The following PXDNL variants were observed in gnomAD, a reference collection of about 807,000 sequenced individuals.
PXDNL encodes the protein probable oxidoreductase PXDNL.
PXDNL carries 145 observed loss-of-function variants against 150.8 expected under a neutral mutation model. The observed-to-expected ratio is 0.96, with a 90% CI of 0.84 to 1.10. The LOEUF (loss-of-function observed/expected upper bound fraction) is 1.10, where lower values mean the gene tolerates loss of function less well. Among genes scored for constraint, PXDNL ranks in the 50% least tolerant of loss-of-function variants. The pLI is 0.00. For synonymous variants in PXDNL, 757 were observed against 725.7 expected, an observed-to-expected ratio of 1.04 and a Z score of -0.69; for missense variants, 2,087 against 1,873.9, an observed-to-expected ratio of 1.11 and a Z score of -2.10.
intron 1 of PXDNL, among the ~76,000 whole-genome samples, chr8:51,663,367 T>C (rs1815314808): frequency 6.6e-6 from 1 of 152,164 alleles, no homozygotes; most frequent in Non-Finnish European, 1.5e-5. Context: ...TCCCCCTCAT[T>C]ATCCTAAACC....
At chr8:51,600,999 T>TA (rs1430606479) in intron 2 of PXDNL, among the ~76,000 whole-genome samples, 1 of 146,312 alleles carries the variant, frequency 6.8e-6, no homozygotes, top group Non-Finnish European at 1.5e-5. Flanking sequence ...TTATATAAAT[T>TA]ATATAGTTTA....
At chr8:51,543,710 C>CAAAAAAAAAAAAAAAA (rs572642373) in intron 4 of PXDNL, among the ~76,000 whole-genome samples, 5 of 60,364 alleles carry the variant, frequency 8.3e-5, no homozygotes, top group Admixed American at 2.1e-4. Flanking sequence ...GACTCCATAT[C>CAAAAAAAAAAAAAAAA]AAAAAAAAAA....
chr8:51,368,997 A>T (rs1013028845), intron 19 of PXDNL, among the ~76,000 whole-genome samples: 1 of 152,068 alleles, frequency 6.6e-6, no homozygotes, highest in African/African-American at 2.4e-5. Flanking sequence ...CTCTGTTTCA[A>T]AAAAAATAAA....
intron 4 of PXDNL, among the ~76,000 whole-genome samples, chr8:51,524,147 C>G (rs1811718263): frequency 2.4e-4 from 1 of 4,214 alleles, no homozygotes; most frequent in Non-Finnish European, 8.1e-4. Flanking sequence ...TGGAGTCATA[C>G]CTGATATATG....
intron 17 of PXDNL, among the ~76,000 whole-genome samples, chr8:51,375,682 C>T (rs1001774527): frequency 6.6e-6 from 1 of 152,160 alleles, no homozygotes; most frequent in Non-Finnish European, 1.5e-5. Context: ...TTTAGTTACA[C>T]TGGTGATGAA....
At chr8:51,567,153 T>G (rs1812845664) in intron 3 of PXDNL, among the ~76,000 whole-genome samples, 1 of 151,842 alleles carries the variant, frequency 6.6e-6, no homozygotes, top group African/African-American at 2.4e-5. Context: ...TTTGTATGCT[T>G]TCTATTTTTT....
chr8:51,556,488 T>C (rs747741436), intron 4 of PXDNL, among the ~76,000 whole-genome samples: 1 of 152,156 alleles, frequency 6.6e-6, no homozygotes, highest in Non-Finnish European at 1.5e-5. Flanking sequence ...GTAATAAACA[T>C]TTTTGCTTAA....
At chr8:51,768,024 C>T (rs1356033711) in intron 1 of PXDNL, among the ~76,000 whole-genome samples, 1 of 152,202 alleles carries the variant, frequency 6.6e-6, no homozygotes, top group Non-Finnish European at 1.5e-5. Context: ...TTTCTAGGCT[C>T]CTGATTTTCA....
chr8:51,477,217 C>T (rs1264682868), intron 6 of PXDNL, among the ~76,000 whole-genome samples: 4 of 152,088 alleles, frequency 2.6e-5, no homozygotes, highest in African/African-American at 9.7e-5. Context: ...ATAACTGTAT[C>T]TAAATTTTAT....
At chr8:51,504,974 A>G (rs1811255144) in intron 4 of PXDNL, among the ~76,000 whole-genome samples, 1 of 152,224 alleles carries the variant, frequency 6.6e-6, no homozygotes, top group Admixed American at 6.5e-5. Flanking sequence ...CACAAGTCTG[A>G]CTTTAGTAAG....
chr8:51,530,325 T>C (rs1180539484), intron 4 of PXDNL, among the ~76,000 whole-genome samples: 2 of 152,174 alleles, frequency 1.3e-5, no homozygotes, highest in East Asian at 1.9e-4. Flanking sequence ...AATCCATTTG[T>C]TCATGACATC....
intron 1 of PXDNL, among the ~76,000 whole-genome samples, chr8:51,791,521 G>A (rs755078383): frequency 5.9e-4 from 90 of 152,216 alleles, no homozygotes; most frequent in Non-Finnish European, 7.9e-4. Flanking sequence ...TTAACCCAAC[G>A]CAGCTGTGAC....
chr8:51,373,817 T>C (rs1237468201), intron 18 of PXDNL, among the ~76,000 whole-genome samples: 1 of 152,176 alleles, frequency 6.6e-6, no homozygotes, highest in Non-Finnish European at 1.5e-5. Flanking sequence ...TCACTAATGA[T>C]TCAGAAGATA....
chr8:51,323,873 G>A (rs1282330595), intron 21 of PXDNL, among the ~76,000 whole-genome samples: 1 of 151,092 alleles, frequency 6.6e-6, no homozygotes, highest in African/African-American at 2.4e-5. Context: ...CCAAGATCAT[G>A]CCATTGCACT....
intron 19 of PXDNL, among the ~76,000 whole-genome samples, chr8:51,358,465 T>C (rs191849391): frequency 1.2e-3 from 185 of 152,254 alleles, no homozygotes; most frequent in African/African-American, 4.1e-3. Context: ...CTGGCCCCCA[T>C]AATAGTGTGT....
intron 1 of PXDNL, among the ~76,000 whole-genome samples, chr8:51,693,753 G>A (rs560826538): frequency 1.7e-4 from 26 of 152,180 alleles, no homozygotes; most frequent in Non-Finnish European, 2.6e-4. Flanking sequence ...CTGGGTGACA[G>A]AGCAAGACCC....
At chr8:51,355,531 C>T (rs1346954) in intron 19 of PXDNL, among the ~76,000 whole-genome samples, 102,655 of 152,018 alleles carry the variant, frequency 0.68, 36,403 homozygotes, top group East Asian at 0.94. Context: ...TGTCTTAGTA[C>T]GTCACTTATC....
chr8:51,521,090 A>C (rs546534394), intron 4 of PXDNL, among the ~76,000 whole-genome samples: 23 of 152,184 alleles, frequency 1.5e-4, no homozygotes, highest in African/African-American at 5.3e-4. Context: ...AAAAAATTAA[A>C]ATATTAGCCA....
At chr8:51,577,999 G>GGAAGGAAGGA (rs67326526) in intron 3 of PXDNL, among the ~76,000 whole-genome samples, 11 of 31,522 alleles carry the variant, frequency 3.5e-4, no homozygotes, top group South Asian at 1.2e-3. Flanking sequence ...AAGAAAGAAA[G>GGAAGGAAGGA]AGGAAGGAAG....
Sources: gnomAD v4.1 joint callset for allele counts (sites outside exome capture counted in the v4.1 genomes callset) on GRCh38, gnomAD v4.1.1 for gene constraint, MANE v1.5 for transcripts, NCBI Gene and HGNC (gene_info 2026-07-23, HGNC 2026-07-21) for gene names.